The following CHP1 variants were observed in gnomAD, a reference collection of about 807,000 sequenced individuals.
The protein encoded by CHP1 is calcineurin like EF-hand protein 1.
A neutral mutation model predicts 27.4 loss-of-function variants in CHP1; 11 were observed. That is an observed-to-expected ratio of 0.40 (90% confidence interval 0.25 to 0.67). The LOEUF is 0.67. Among genes scored for constraint, CHP1 ranks in the 30% least tolerant of loss-of-function variants. CHP1 has a pLI of 0.38. For missense variants in CHP1, 169 were observed against 251.3 expected, an observed-to-expected ratio of 0.67 and a Z score of 2.22; for synonymous variants, 89 against 87.4, an observed-to-expected ratio of 1.02 and a Z score of -0.10.
chr15:41,256,694 G>A (rs531690992), intron 2 of CHP1: 18 of 550,940 alleles, frequency 3.3e-5, no homozygotes, highest in Non-Finnish European at 4.9e-5. Context: ...GGAATGTGGC[G>A]TAATCAAATC....
chr15:41,274,054 G>C (rs565407278), intron 5 of CHP1, among the ~76,000 whole-genome samples: 1 of 151,772 alleles, frequency 6.6e-6, no homozygotes, highest in Non-Finnish European at 1.5e-5. Context: ...TCCGCCTCCC[G>C]GGTTCAAGTG....
chr15:41,260,751 G>A (rs2047428712), intron 3 of CHP1, among the ~76,000 whole-genome samples: 1 of 151,774 alleles, frequency 6.6e-6, no homozygotes, highest in Non-Finnish European at 1.5e-5. Flanking sequence ...AAATCATGAT[G>A]TGTCCACAGA....
intron 1 of CHP1, among the ~76,000 whole-genome samples, chr15:41,235,641 G>A (rs1025027571): frequency 4.6e-5 from 7 of 152,208 alleles, no homozygotes; most frequent in Non-Finnish European, 1.0e-4. Flanking sequence ...CATGTGGTAC[G>A]GGAAGGGTGT....
intron 2 of CHP1, among the ~76,000 whole-genome samples, chr15:41,256,527 A>T (rs1276526887): frequency 6.6e-6 from 1 of 152,192 alleles, no homozygotes; most frequent in African/African-American, 2.4e-5. Context: ...CCCCATATTC[A>T]AGTTCTGCAG....
At chr15:41,269,194 C>T (rs866719535) in intron 4 of CHP1, among the ~76,000 whole-genome samples, 2 of 151,704 alleles carry the variant, frequency 1.3e-5, no homozygotes, top group Non-Finnish European at 2.9e-5. Context: ...CAGAGCAGGA[C>T]CCTGTCTGAA....
intron 1 of CHP1, chr15:41,234,169 G>T (rs2047265762): frequency 6.6e-6 from 1 of 152,098 alleles, no homozygotes; most frequent in Non-Finnish European, 1.5e-5. Flanking sequence ...GTCGAGGCTG[G>T]TCATAAACTC....
chr15:41,262,727 G>A, intron 3 of CHP1, 29 bp from the exon 4 acceptor site: 3 of 1,610,484 alleles, frequency 1.9e-6, no homozygotes, highest in Non-Finnish European at 2.5e-6. Context: ...GATTGACATG[G>A]TGTTGTGTTT....
chr15:41,267,543 TC>T (rs1340751016), intron 4 of CHP1, among the ~76,000 whole-genome samples: 1 of 151,474 alleles, frequency 6.6e-6, no homozygotes, highest in Non-Finnish European at 1.5e-5. Flanking sequence ...ATACCTGTAG[TC>T]CCAGCTACTC....
chr15:41,239,398 GTTTGT>G (rs964159928), intron 1 of CHP1, among the ~76,000 whole-genome samples: 21 of 149,322 alleles, frequency 1.4e-4, no homozygotes, highest in South Asian at 4.2e-4. Context: ...TTTTGTTATC[GTTTGT>G]TTTGTTTTGT....
chr15:41,252,506 G>C (rs1383867092), intron 2 of CHP1, among the ~76,000 whole-genome samples: 1 of 152,008 alleles, frequency 6.6e-6, no homozygotes, highest in Non-Finnish European at 1.5e-5. Flanking sequence ...TGTTCCAGTG[G>C]GTATGTCCTA....
At chr15:41,270,031 CATCTGAGCCATCATATTT>C (rs1461128802) in intron 4 of CHP1, among the ~76,000 whole-genome samples, 1 of 152,082 alleles carries the variant, frequency 6.6e-6, no homozygotes, top group African/African-American at 2.4e-5. Context: ...GCCAGGAGAC[CATCTGAGCCATCATATTT>C]ATTTGAAACT....
At chr15:41,231,516 C>A (rs1322292320) in intron 1 of CHP1, 67 bp downstream of exon 1, 1 of 1,489,208 alleles carries the variant, frequency 6.7e-7, no homozygotes, top group South Asian at 1.2e-5. Flanking sequence ...GGGCGGCTGT[C>A]GCTAAGGTCT....
intron 4 of CHP1, among the ~76,000 whole-genome samples, chr15:41,265,964 C>A (rs2047458007): frequency 6.6e-6 from 1 of 152,032 alleles, no homozygotes; most frequent in Admixed American, 6.6e-5. Flanking sequence ...TATTGCTTTC[C>A]TCTTTGGATT....
At position 41,252,519 on chromosome 15, in the gene CHP1, A is replaced by T. The variant is rs533076183; in HGVS notation, c.141-4391A>T. ...TGTGTTCCAGTGGGTATGTCCTATT[A>T]ACAGATTTTAATCTCCTCATTATGT... On this transcript the variant is annotated intron_variant, in intron 2 of 6. Coordinates refer to ENST00000334660, the MANE Select transcript of CHP1 (RefSeq NM_007236.5). Among the ~76,000 whole-genome samples the T allele has an allele frequency of 2.0e-5, 3 of 152,240 alleles. No homozygotes were observed. The East Asian group carries it at 5.8e-4, about 29-fold the overall frequency.
In CHP1 at chr15:41,279,589, A is replaced by G. The variant is rs2047535969; in HGVS notation, c.*200A>G. The stretch of plus-strand genomic sequence containing the variant: ...GGCATTACAGAATGGTACACCCTAT[A>G]TATTTCTGTTCAGTATCCATTCACT... On this transcript the variant is annotated 3_prime_UTR_variant, in exon 7 of 7. Coordinates refer to ENST00000334660, the MANE Select transcript of CHP1 (RefSeq NM_007236.5). 1 of 543,536 alleles carries G rather than the reference A, an allele frequency of 1.8e-6. No individual in the cohort carries two copies. The highest frequency in any genetic ancestry group is 3.3e-6 in the Non-Finnish European group (1 of 303,858). The allele number at this position is 543,536 out of a possible 1,614,324, so 33.7% of individuals were successfully genotyped here. A position where few individuals can be genotyped will look rare whatever the true frequency, so the allele number is the denominator to read the frequency against.
At chr15:41,262,627 G>A (rs904251422) in intron 3 of CHP1, 129 bp from the exon 4 acceptor site, 12 of 1,188,376 alleles carry the variant, frequency 1.0e-5, no homozygotes, top group East Asian at 2.4e-5. Context: ...AGTACCATGC[G>A]TATGGAAAGA....
intron 1 of CHP1, among the ~76,000 whole-genome samples, chr15:41,241,680 A>G (rs557152116): frequency 6.6e-6 from 1 of 152,340 alleles, no homozygotes; most frequent in African/African-American, 2.4e-5. Context: ...CTAGGACAGA[A>G]CAGAGCCCAG....
intron 4 of CHP1, among the ~76,000 whole-genome samples, chr15:41,269,055 T>A (rs2047475956): frequency 6.6e-6 from 1 of 151,912 alleles, no homozygotes; most frequent in African/African-American, 2.4e-5. Context: ...CAAAAATTTT[T>A]AAAAATTAGC....
intron 4 of CHP1, chr15:41,264,284 C>G (rs966279614): frequency 6.6e-6 from 7 of 1,053,038 alleles, no homozygotes; most frequent in Admixed American, 5.4e-5. Flanking sequence ...CAGGAGAGTG[C>G]GAGTGCCGAG....
Sources: allele counts gnomAD v4.1 joint callset (sites outside exome capture counted in the v4.1 genomes callset), GRCh38; gene constraint gnomAD v4.1.1; transcripts MANE v1.5; gene names NCBI Gene and HGNC (gene_info 2026-07-23, HGNC 2026-07-21).